DPP10: variants seen among roughly 807,000 people sequenced by gnomAD.
DPP10 encodes inactive dipeptidyl peptidase 10.
In DPP10, 33 loss-of-function variants were observed where a neutral mutation model predicts 120.9. That is an observed-to-expected ratio of 0.27 (90% CI 0.21 to 0.37). DPP10 has a LOEUF of 0.37. Ranked by LOEUF, DPP10 falls within the 10% of genes least tolerant of loss-of-function variation. The pLI is 1.00. For missense variants in DPP10, 816 were observed against 942.8 expected (o/e 0.87, Z 1.76); for synonymous variants, 337 against 326.1 (o/e 1.03, Z -0.36).
At chr2:114,929,074 G>T (rs1369213869) in intron 1 of DPP10, among the ~76,000 whole-genome samples, 1 of 152,138 alleles carries the variant, frequency 6.6e-6, no homozygotes, top group Non-Finnish European at 1.5e-5. Flanking sequence ...CTATTGGTAG[G>T]TTCTGTGATG....
intron 1 of DPP10, among the ~76,000 whole-genome samples, chr2:115,188,268 A>G (rs2054609391): frequency 6.6e-6 from 1 of 152,198 alleles, no homozygotes; most frequent in African/African-American, 2.4e-5. Flanking sequence ...AATAATTGAA[A>G]GATGTGTATG....
chr2:114,519,225 CT>C (rs1328090429), intron 1 of DPP10, among the ~76,000 whole-genome samples: 2 of 152,188 alleles, frequency 1.3e-5, no homozygotes, highest in Non-Finnish European at 2.9e-5. Context: ...TAGGAGGTTC[CT>C]TGATCAAAAT....
intron 1 of DPP10, among the ~76,000 whole-genome samples, chr2:114,651,443 A>G (rs1696574338): frequency 6.6e-6 from 1 of 152,088 alleles, no homozygotes; most frequent in Non-Finnish European, 1.5e-5. Context: ...CCTTGCTAAA[A>G]CACGATTGTT....
At chr2:114,544,863 T>G (rs1285195282) in intron 1 of DPP10, among the ~76,000 whole-genome samples, 2 of 152,148 alleles carry the variant, frequency 1.3e-5, no homozygotes, top group Non-Finnish European at 2.9e-5. Flanking sequence ...TATTAAATTT[T>G]TTTTTTTGAG....
rs1384503437 is a variant in DPP10, at chr2:114,694,636, A to C, written c.60+251798A>C. On this transcript the variant is annotated intron_variant, in intron 1 of 25. Transcript: ENST00000410059. ...TAGGACAAATTTCACAAGATGAATAAAACGTAATATTTGTCTTCAAAGATC... is the reference window on the plus strand; with the variant it reads ...TAGGACAAATTTCACAAGATGAATACAACGTAATATTTGTCTTCAAAGATC... Among the ~76,000 whole-genome samples the C allele has an allele frequency of 3.3e-5, 5 of 152,166 alleles. No individual in the cohort carries two copies. In the East Asian group the frequency reaches 9.7e-4, roughly 30 times the overall value.
intron 1 of DPP10, among the ~76,000 whole-genome samples, chr2:114,942,402 C>CACATATAT (rs371203509): frequency 3.1e-5 from 4 of 127,812 alleles, no homozygotes; most frequent in African/African-American, 9.4e-5. Flanking sequence ...CACACACACA[C>CACATATAT]ATATATATAT....
chr2:115,338,326 ATG>A, intron 2 of DPP10, among the ~76,000 whole-genome samples: 2 of 152,286 alleles, frequency 1.3e-5, no homozygotes, highest in Middle Eastern at 6.8e-3. Context: ...TTTTATATCA[ATG>A]TGTTAAAGGA....
chr2:115,532,136 A>G (rs1372102452), intron 5 of DPP10, among the ~76,000 whole-genome samples: 2 of 151,976 alleles, frequency 1.3e-5, no homozygotes, highest in Non-Finnish European at 2.9e-5. Context: ...TTTGACACCT[A>G]TTTCAAAAAA....
intron 1 of DPP10, among the ~76,000 whole-genome samples, chr2:115,250,586 A>T (rs2105661302): frequency 6.6e-6 from 1 of 152,306 alleles, no homozygotes; most frequent in African/African-American, 2.4e-5. Context: ...CTCAGCTCAT[A>T]GTACGGTTAC....
chr2:115,842,394 C>A lies in DPP10; in HGVS notation c.*49C>A, dbSNP rs550199130. On this transcript the variant is annotated 3_prime_UTR_variant, in exon 26 of 26. Coordinates refer to ENST00000410059, the MANE Select transcript of DPP10 (RefSeq NM_020868.6). ...AAGGGAATATTGAGGCTCAATGAAA[C>A]CTGACAAAGAGACTGTAATATTGTA... 1.3e-6 allele frequency: 2 copies of A among 1,576,710 alleles called. No homozygotes were observed. The highest frequency in any genetic ancestry group is 1.7e-6 in the Non-Finnish European group (2 of 1,157,172).
At chr2:114,834,294 C>T (rs1352663358) in intron 1 of DPP10, among the ~76,000 whole-genome samples, 1 of 150,752 alleles carries the variant, frequency 6.6e-6, no homozygotes, top group East Asian at 2.0e-4. Context: ...TAAGCCATGT[C>T]TACACACCTA....
intron 1 of DPP10, among the ~76,000 whole-genome samples, chr2:114,997,023 T>C (rs1212357862): frequency 6.6e-6 from 1 of 151,210 alleles, no homozygotes; most frequent in Admixed American, 6.6e-5. Context: ...TATGTCTTAG[T>C]TAACAAATTT....
rs1180257338 is a variant in DPP10 at position 114,493,595 on chromosome 2, A to C, written c.60+50757A>C. ...TTTATCAAAATGGGGCATGGGATGC[A>C]ATGAAGTAGCAGAGACACTCAATAA... On this transcript the variant is annotated intron_variant, in intron 1 of 25. Coordinates refer to ENST00000410059, the MANE Select transcript of DPP10 (RefSeq NM_020868.6). 6.6e-5 allele frequency among the ~76,000 whole-genome samples: 10 copies of C among 151,068 alleles called. No individual in the cohort carries two copies. In the Admixed American group the frequency reaches 6.7e-4, roughly 10 times the overall value.
intron 1 of DPP10, among the ~76,000 whole-genome samples, chr2:115,159,328 C>T (rs185149252): frequency 1.8e-4 from 27 of 152,136 alleles, no homozygotes; most frequent in African/African-American, 5.3e-4. Flanking sequence ...TGTGGTGGCG[C>T]GCGCCTGTAG....
At chr2:114,704,136 T>C (rs530529128) in intron 1 of DPP10, among the ~76,000 whole-genome samples, 2 of 152,252 alleles carry the variant, frequency 1.3e-5, no homozygotes, top group South Asian at 4.1e-4. Context: ...GAATGATGTA[T>C]TTCAGAAAGG....
chr2:115,071,653 C>T (rs1707375974), intron 1 of DPP10, among the ~76,000 whole-genome samples: 1 of 151,244 alleles, frequency 6.6e-6, no homozygotes, highest in South Asian at 2.1e-4. Context: ...GTTTTAAGAC[C>T]AGAAGGGGCA....
chr2:115,574,639 A>G (rs1026064799), intron 5 of DPP10, among the ~76,000 whole-genome samples: 2 of 152,202 alleles, frequency 1.3e-5, no homozygotes, highest in Non-Finnish European at 1.5e-5. Flanking sequence ...CTGTTGAGTA[A>G]ATATCTTAAT....
In DPP10 at chr2:115,328,175, T is replaced by C. The variant is rs79046866; in HGVS notation, c.176-15642T>C. On this transcript the variant is annotated intron_variant, in intron 2 of 25. Transcript: ENST00000410059. The stretch of plus-strand genomic sequence containing the variant: ...ATATGACTTTATAGAGCCATAACAC[T>C]TTAGGGTAAAAGGAGGACATCATTT... Among the ~76,000 whole-genome samples, 78 of 152,156 alleles carry C rather than the reference T, an allele frequency of 5.1e-4. 2 individuals are homozygous for C. In the East Asian group the frequency reaches 0.014, roughly 27 times the overall value.
intron 4 of DPP10, among the ~76,000 whole-genome samples, chr2:115,500,972 A>G (rs10185860): frequency 0.42 from 64,238 of 151,844 alleles, 14,435 homozygotes; most frequent in East Asian, 0.65. Flanking sequence ...GATAGGAGAC[A>G]GAATTCCAGA....
Sources: allele counts gnomAD v4.1 joint callset (sites outside exome capture counted in the v4.1 genomes callset), GRCh38; gene constraint gnomAD v4.1.1; transcripts MANE v1.5; gene names NCBI Gene and HGNC (gene_info 2026-07-23, HGNC 2026-07-21).